DCLK1: variants seen among roughly 807,000 people sequenced by gnomAD.
DCLK1 encodes doublecortin like kinase 1, also known as serine/threonine-protein kinase DCLK1.
Under a neutral mutation model 86.2 loss-of-function variants are expected in DCLK1, and 16 were observed. The ratio of observed to expected loss-of-function variants is 0.19; its 90% CI spans 0.13 to 0.28. The LOEUF (loss-of-function observed/expected upper bound fraction) is 0.28. Ranked by LOEUF, DCLK1 falls within the 10% of genes least tolerant of loss-of-function variation. The probability of loss-of-function intolerance (pLI) is 1.00; values close to 1 mark genes in which losing one functional copy is unlikely to be tolerated. For synonymous variants in DCLK1, 369 were observed against 370.5 expected (o/e 1.00, Z 0.05); for missense variants, 590 against 940.2 (o/e 0.63, Z 4.87).
chr13:36,117,480 A>T (rs1433160829), intron 2 of DCLK1, among the ~76,000 whole-genome samples: 10 of 152,188 alleles, frequency 6.6e-5, no homozygotes, highest in Non-Finnish European at 1.3e-4. Flanking sequence ...AAAATATATG[A>T]CAAAGGATAA....
At chr13:36,021,727 A>G (rs1429130370) in intron 3 of DCLK1, among the ~76,000 whole-genome samples, 1 of 152,116 alleles carries the variant, frequency 6.6e-6, no homozygotes, top group Non-Finnish European at 1.5e-5. Context: ...GGCACCTAAC[A>G]CTAGAACCCA....
intron 4 of DCLK1, among the ~76,000 whole-genome samples, chr13:35,924,348 G>T (rs546443031): frequency 6.6e-6 from 1 of 152,296 alleles, no homozygotes; most frequent in South Asian, 2.1e-4. Context: ...CCATGGATGA[G>T]TCTTGAAATG....
At chr13:35,793,288 G>A (rs2086742140) in intron 16 of DCLK1, 78 bp downstream of exon 16, 1 of 1,137,446 alleles carries the variant, frequency 8.8e-7, no homozygotes, top group Non-Finnish European at 1.3e-6. Context: ...TCTCTGACTG[G>A]AGAATCTCCT....
chr13:35,864,232 G>C (rs566833664), intron 5 of DCLK1, among the ~76,000 whole-genome samples: 1 of 152,132 alleles, frequency 6.6e-6, no homozygotes, highest in African/African-American at 2.4e-5. Context: ...GGGTTCCACA[G>C]ACAGAGATTC....
At chr13:35,892,241 T>C (rs71438074) in intron 4 of DCLK1, among the ~76,000 whole-genome samples, 6,309 of 152,286 alleles carry the variant, frequency 0.041, 175 homozygotes, top group Non-Finnish European at 0.065. Flanking sequence ...TACATTTTAA[T>C]CATTTAAGAG....
At position 36,046,742 on chromosome 13, in the gene DCLK1, A is replaced by T. The variant is rs1249478570; in HGVS notation, c.723+65127T>A. Among the ~76,000 whole-genome samples the T allele has an allele frequency of 2.6e-5, 4 of 152,362 alleles. No homozygotes were observed. In the East Asian group the frequency reaches 7.7e-4, roughly 29 times the overall value. On this transcript the variant is annotated intron_variant, in intron 3 of 16. Coordinates refer to ENST00000360631, the MANE Select transcript of DCLK1 (RefSeq NM_001330071.2). The stretch of plus-strand genomic sequence containing the variant: ...CGACTTAAAATATATGAAATAACTA[A>T]CTTCAAGGAGAAGGACTGGGACTAA...
intron 3 of DCLK1, among the ~76,000 whole-genome samples, chr13:36,105,337 A>G (rs1002920426): frequency 2.0e-5 from 3 of 152,220 alleles, no homozygotes; most frequent in African/African-American, 7.2e-5. Context: ...AAATTTGTTA[A>G]GTGTCAGCTT....
chr13:35,944,373 C>T (rs775041818), intron 4 of DCLK1, among the ~76,000 whole-genome samples: 12 of 152,306 alleles, frequency 7.9e-5, no homozygotes, highest in South Asian at 2.1e-4. Context: ...CTGTACCCAC[C>T]GCTGACACCC....
At chr13:36,078,204 A>T (rs1884280416) in intron 3 of DCLK1, among the ~76,000 whole-genome samples, 3 of 152,202 alleles carry the variant, frequency 2.0e-5, no homozygotes, top group Admixed American at 2.0e-4. Context: ...CCTGAATAAG[A>T]ACTGAATCTG....
In DCLK1 at chr13:36,019,945, G is replaced by A. The variant is rs540443649; in HGVS notation, c.724-72488C>T. 3.3e-5 allele frequency among the ~76,000 whole-genome samples: 5 copies of A among 152,308 alleles called. No individual in the cohort carries two copies. The East Asian group carries it at 9.7e-4, about 29-fold the overall frequency. On this transcript the variant is annotated intron_variant, in intron 3 of 16. Coordinates refer to ENST00000360631, the MANE Select transcript of DCLK1 (RefSeq NM_001330071.2). ...GTGGGGCCTAATGGAAAGTGTTTGG[G>A]TCATGGGGGTGGATTTTTCATGAAT...
At chr13:36,031,271 A>T (rs958562286) in intron 3 of DCLK1, among the ~76,000 whole-genome samples, 1 of 152,010 alleles carries the variant, frequency 6.6e-6, no homozygotes, top group South Asian at 2.1e-4. Flanking sequence ...AGTTTTAAGC[A>T]CAAAAGAGTG....
intron 3 of DCLK1, among the ~76,000 whole-genome samples, chr13:36,055,136 G>A (rs1215028558): frequency 6.6e-6 from 1 of 152,144 alleles, no homozygotes; most frequent in Non-Finnish European, 1.5e-5. Context: ...TTTAAGCATG[G>A]ATGGCCAGAA....
At chr13:36,127,799 C>A (rs1485059338) in intron 1 of DCLK1, among the ~76,000 whole-genome samples, 1 of 152,136 alleles carries the variant, frequency 6.6e-6, no homozygotes, top group Non-Finnish European at 1.5e-5. Context: ...ACTGGAGGAC[C>A]AGTTCATCCT....
At chr13:35,808,736 C>T (rs569090686) in intron 13 of DCLK1, among the ~76,000 whole-genome samples, 5 of 151,708 alleles carry the variant, frequency 3.3e-5, no homozygotes, top group African/African-American at 1.2e-4. Context: ...TGAGCTGAGA[C>T]TGTGCCACTG....
intron 5 of DCLK1, among the ~76,000 whole-genome samples, chr13:35,861,792 C>CTTACTGTTCTTCCCTGCTTCTGCT (rs1555345124): frequency 6.3e-5 from 9 of 141,936 alleles, no homozygotes; most frequent in Non-Finnish European, 1.1e-4. Context: ...TTTGGGAGGC[C>CTTACTGTTCTTCCCTGCTTCTGCT]GAGGCAGGTA....
intron 4 of DCLK1, among the ~76,000 whole-genome samples, chr13:35,918,146 T>C (rs562728728): frequency 7.3e-4 from 111 of 152,382 alleles, no homozygotes; most frequent in Non-Finnish European, 1.3e-3. Context: ...TATCCTCATA[T>C]GACTCATAAG....
intron 4 of DCLK1, among the ~76,000 whole-genome samples, chr13:35,931,247 C>G (rs1418945822): frequency 6.6e-6 from 1 of 152,130 alleles, no homozygotes; most frequent in African/African-American, 2.4e-5. Flanking sequence ...CTCTTTTCAA[C>G]TCTCTGCTAT....
chr13:35,907,216 G>A (rs1874734732), intron 4 of DCLK1, among the ~76,000 whole-genome samples: 1 of 152,172 alleles, frequency 6.6e-6, no homozygotes, highest in African/African-American at 2.4e-5. Context: ...AGGCTGGAAT[G>A]CAGTGCTGCA....
chr13:35,955,466 G>C (rs1271954124), intron 3 of DCLK1, among the ~76,000 whole-genome samples: 1 of 152,078 alleles, frequency 6.6e-6, no homozygotes, highest in East Asian at 1.9e-4. Flanking sequence ...CTATTCATGA[G>C]GATGATGCCC....
Sources: gnomAD v4.1 joint callset for allele counts (sites outside exome capture counted in the v4.1 genomes callset) on GRCh38, gnomAD v4.1.1 for gene constraint, MANE v1.5 for transcripts, NCBI Gene and HGNC (gene_info 2026-07-23, HGNC 2026-07-21) for gene names.